The following SCIMP variants were observed in gnomAD, a reference collection of about 807,000 sequenced individuals.
The protein encoded by SCIMP is SLP adaptor and CSK interacting membrane protein.
A neutral mutation model predicts 22.0 loss-of-function variants in SCIMP; 18 were observed. That is an observed-to-expected ratio of 0.82 (90% CI 0.56 to 1.21). The LOEUF (loss-of-function observed/expected upper bound fraction) is 1.21. Ranked by LOEUF, SCIMP falls within the 50% of genes most tolerant of loss-of-function variation. SCIMP has a pLI of 0.00. For synonymous variants in SCIMP, 53 were observed against 62.2 expected (o/e 0.85, Z 0.70); for missense variants, 155 against 171.2 (o/e 0.91, Z 0.53).
At chr17:5,211,106 C>A in intron 4 of SCIMP, 151 bp from the exon 5 acceptor site, 1 of 1,263,594 alleles carries the variant, frequency 7.9e-7, no homozygotes. Context: ...TAGACACAGA[C>A]CTGACAGAGC....
intron 1 of SCIMP, among the ~76,000 whole-genome samples, chr17:5,227,781 T>A (rs2074662346): frequency 6.6e-6 from 1 of 152,208 alleles, no homozygotes; most frequent in Non-Finnish European, 1.5e-5. Context: ...CAATTTTAGT[T>A]GGTGGAGCCT....
chr17:5,226,436 T>G (rs1329693710), intron 1 of SCIMP, among the ~76,000 whole-genome samples: 1 of 152,124 alleles, frequency 6.6e-6, no homozygotes, highest in Non-Finnish European at 1.5e-5. Context: ...AATAAATATT[T>G]TTTGTCAGTT....
intron 1 of SCIMP, among the ~76,000 whole-genome samples, chr17:5,231,826 G>C (rs551603653): frequency 6.6e-6 from 1 of 152,102 alleles, no homozygotes; most frequent in Admixed American, 6.6e-5. Flanking sequence ...AGGCTGAGGC[G>C]GGCGGATCAC....
rs2074606245 is a variant in SCIMP at position 5,221,349 on chromosome 17, G to T, written c.147C>A (p.Gly49=). 1.2e-6 allele frequency: 2 copies of T among 1,611,096 alleles called. No homozygotes were observed. The highest frequency in any genetic ancestry group is 2.7e-5 in the African/African-American group (2 of 74,846). ...YCVCKWQLRR[G]KKWEIAKPLK... ...GGGGCTTGGCAATTTCCCATTTCTT[G>T]CCTAAGAGGGGAAAAGCATGTTCAT... is the stretch of plus-strand genomic sequence containing the variant. The change falls in exon 3 of 5, where the codon GGC becomes GGA. Residue 49 remains glycine, a splice_region_variant and synonymous_variant. Transcript: ENST00000574081.
At chr17:5,213,615 G>A (rs2074543015) in intron 4 of SCIMP, 1 of 152,326 alleles carries the variant, frequency 6.6e-6, no homozygotes, top group Admixed American at 6.6e-5. Context: ...GGGAGGTCGA[G>A]GCGGGTGGAT....
At position 5,215,010 on chromosome 17, in the gene SCIMP, GAA is replaced by G. The variant is rs767904662; in HGVS notation, c.210-14_210-13del. On this transcript the variant is annotated splice_polypyrimidine_tract_variant and intron_variant, in intron 3 of 4. Transcript: ENST00000574081. ...CATTAAGAACATTCCTAGAGAGAGAGAAAGAGAGAGAATCAGTGTTTGGTTTG... is the reference window on the plus strand; with the variant it reads ...CATTAAGAACATTCCTAGAGAGAGAGAGAGAGAGAATCAGTGTTTGGTTTG... The G allele has an allele frequency of 9.5e-6, 15 of 1,571,770 alleles. No homozygotes were observed. The highest frequency in any genetic ancestry group is 2.2e-5 in the East Asian group (1 of 44,694).
chr17:5,229,384 CTTTTTTTTTTT>C (rs71151849), intron 1 of SCIMP, among the ~76,000 whole-genome samples: 2 of 59,310 alleles, frequency 3.4e-5, no homozygotes, highest in Middle Eastern at 0.014. Context: ...GTTTATTTAG[CTTTTTTTTTTT>C]TTTTTTTTTT....
intron 1 of SCIMP, among the ~76,000 whole-genome samples, chr17:5,231,374 GA>G (rs1221370361): frequency 1.3e-5 from 2 of 149,776 alleles, no homozygotes; most frequent in Non-Finnish European, 3.0e-5. Context: ...AAAAAAAAAA[GA>G]AAAGAAAAAA....
intron 4 of SCIMP, among the ~76,000 whole-genome samples, chr17:5,212,478 C>T (rs1229118559): frequency 1.3e-5 from 2 of 152,054 alleles, no homozygotes; most frequent in African/African-American, 2.4e-5. Context: ...ACTAAAAATA[C>T]AAAAAATTAG....
chr17:5,224,676 C>G (rs953480255), intron 1 of SCIMP, among the ~76,000 whole-genome samples: 2 of 151,912 alleles, frequency 1.3e-5, no homozygotes, highest in Non-Finnish European at 2.9e-5. Context: ...AAGCTAGTCT[C>G]GAACTCCTGA....
At chr17:5,216,733 C>T (rs1459333413) in intron 3 of SCIMP, among the ~76,000 whole-genome samples, 6 of 152,034 alleles carry the variant, frequency 3.9e-5, no homozygotes, top group Admixed American at 3.9e-4. Context: ...ACAGTGATTG[C>T]CTTTGGGATG....
Position 5,214,997 on chromosome 17 carries a change from T to G in SCIMP, c.211A>C (p.Asn71His). 2 of 1,603,700 alleles carry G rather than the reference T, an allele frequency of 1.2e-6. No individual in the cohort carries two copies. Among genetic ancestry groups the G allele is most frequent in the Non-Finnish European group, 1.7e-6 (2 of 1,170,706 alleles). Residue 71 changes from asparagine (N) to histidine (H), a missense_variant and splice_region_variant, in exon 4 of 5, where the codon AAT becomes CAT. Coordinates refer to ENST00000574081, the MANE Select transcript of SCIMP (RefSeq NM_207103.3). ...TGAACTGGCGACTCATTAAGAACAT[T>G]CCTAGAGAGAGAGAAAGAGAGAGAA... The part of the protein sequence containing the change: ...KQVDEEKMYE[N>H]VLNESPVQLP...
chr17:5,213,548 CTTT>C (rs913980622), intron 4 of SCIMP: 1 of 152,284 alleles, frequency 6.6e-6, no homozygotes, highest in African/African-American at 2.4e-5. Flanking sequence ...CTGGCTATCT[CTTT>C]TAAACAGGAT....
Position 5,222,576 on chromosome 17 carries a change from A to G in SCIMP, c.145+757T>C, listed in dbSNP as rs554311907. Reference sequence around the variant, plus strand: ...GTTTCTGGTCTAGGTAATACCAGAAAATTCAGAGTATGGTCTCAGAGAAGG... The same window carrying G: ...GTTTCTGGTCTAGGTAATACCAGAAGATTCAGAGTATGGTCTCAGAGAAGG... On this transcript the variant is annotated intron_variant, in intron 2 of 4. Transcript: ENST00000574081. 2.0e-5 allele frequency among the ~76,000 whole-genome samples: 3 copies of G among 152,276 alleles called. No individual in the cohort carries two copies. The East Asian group carries it at 5.8e-4, about 29-fold the overall frequency.
In SCIMP at chr17:5,210,920, A is replaced by T. The variant is rs913435955; in HGVS notation, c.319T>A (p.Tyr107Asn). The T allele has an allele frequency of 6.2e-7, 1 of 1,613,764 alleles. No homozygotes were observed. Among genetic ancestry groups the T allele is most frequent in the Non-Finnish European group, 8.5e-7 (1 of 1,179,940 alleles). ...TTTTTAACTTTATTTACCAGTGAGT[A>T]TGTAGCGGGCGGCTGACTTGGGGCT... ...QEAPSQPPAT[Y>N]SLVNKVKNKK... Residue 107 changes from tyrosine to asparagine, a missense_variant, in exon 5 of 5, where the codon TAC becomes AAC. Physicochemically the swap from Tyr to Asn is moderately radical, Grantham distance 143. Transcript: ENST00000574081.
chr17:5,220,128 C>A (rs1268212140), intron 3 of SCIMP, among the ~76,000 whole-genome samples: 2 of 152,022 alleles, frequency 1.3e-5, no homozygotes. Context: ...GTCATAAAGC[C>A]CCAAATAGAT....
At chr17:5,220,715 GC>G (rs1306383517) in intron 3 of SCIMP, among the ~76,000 whole-genome samples, 3 of 151,608 alleles carry the variant, frequency 2.0e-5, no homozygotes, top group Non-Finnish European at 4.4e-5. Flanking sequence ...CTGCATTCCA[GC>G]CTGGGTGACA....
chr17:5,215,179 T>A, intron 3 of SCIMP, 181 bp from the exon 4 acceptor site: 1 of 543,630 alleles, frequency 1.8e-6, no homozygotes, highest in Middle Eastern at 4.8e-4. Flanking sequence ...GGCACCCTAA[T>A]GAAACCGTTT....
chr17:5,223,839 C>T (rs893278487), intron 1 of SCIMP, among the ~76,000 whole-genome samples: 2 of 152,084 alleles, frequency 1.3e-5, no homozygotes, highest in Admixed American at 6.5e-5. Flanking sequence ...CATGAGCCAC[C>T]GTGCCCAGCT....
Sources: gnomAD v4.1 joint callset for allele counts (sites outside exome capture counted in the v4.1 genomes callset) on GRCh38, gnomAD v4.1.1 for gene constraint, MANE v1.5 for transcripts, NCBI Gene and HGNC (gene_info 2026-07-23, HGNC 2026-07-21) for gene names.